FMN1: variants seen among roughly 807,000 people sequenced by gnomAD.
FMN1 encodes formin-1.
Under a neutral mutation model 132.4 loss-of-function variants are expected in FMN1, and 110 were observed. The ratio of observed to expected loss-of-function variants is 0.83; its 90% CI spans 0.71 to 0.97. The LOEUF is 0.97. FMN1 is among the 50% of genes least tolerant of loss of function. The pLI is 0.00. For missense variants in FMN1, 1,792 were observed against 1,705.3 expected (o/e 1.05, Z -0.90); for synonymous variants, 722 against 651.7 (o/e 1.11, Z -1.64).
chr15:32,908,457 T>C lies in FMN1; in HGVS notation c.3377+33A>G, dbSNP rs771373801. Reference sequence around the variant, plus strand: ...GAAGACAGAAATTGCAGTTCTCCTTTTGGCCTAACAGAAAAATGTTAAGTA... The same window carrying C: ...GAAGACAGAAATTGCAGTTCTCCTTCTGGCCTAACAGAAAAATGTTAAGTA... On this transcript the variant is annotated intron_variant, in intron 12 of 20. Transcript: ENST00000616417. 1.3e-5 allele frequency: 18 copies of C among 1,427,924 alleles called. No individual in the cohort carries two copies. In the African/African-American group the frequency reaches 1.6e-4, roughly 12 times the overall value. 88.5% of individuals were successfully genotyped at this position (1,427,924 alleles called of 1,614,324 possible).
chr15:33,040,462 C>A (rs1484648870), intron 6 of FMN1, among the ~76,000 whole-genome samples: 1 of 152,200 alleles, frequency 6.6e-6, no homozygotes, highest in African/African-American at 2.4e-5. Context: ...TTCCAAGTAC[C>A]TGTCAAACTT....
chr15:32,804,399 T>C, intron 17 of FMN1, 67 bp from the exon 18 acceptor site: 1 of 580,796 alleles, frequency 1.7e-6, no homozygotes, highest in South Asian at 1.7e-5. Flanking sequence ...TCTTACAGCT[T>C]CAATTACACC....
intron 6 of FMN1, among the ~76,000 whole-genome samples, chr15:33,047,810 G>A (rs1023620534): frequency 6.6e-6 from 1 of 152,076 alleles, no homozygotes; most frequent in African/African-American, 2.4e-5. Flanking sequence ...ATATTAGGCT[G>A]TAGAAACTGC....
At chr15:32,896,210 A>G (rs1265166578) in intron 15 of FMN1, among the ~76,000 whole-genome samples, 1 of 152,006 alleles carries the variant, frequency 6.6e-6, no homozygotes, top group African/African-American at 2.4e-5. Flanking sequence ...TTGTGATGTT[A>G]GTCTATCATT....
chr15:33,077,619 G>A (rs901487187), intron 5 of FMN1, among the ~76,000 whole-genome samples: 3 of 151,630 alleles, frequency 2.0e-5, no homozygotes, highest in South Asian at 2.1e-4. Flanking sequence ...GCAGTGTTTG[G>A]TTTTTTTCTC....
chr15:32,888,366 T>C, intron 15 of FMN1, 74 bp from the exon 16 acceptor site: 4 of 1,368,964 alleles, frequency 2.9e-6, no homozygotes, highest in East Asian at 2.4e-5. Flanking sequence ...AAAGCATCAA[T>C]GAGAAAAAAA....
chr15:33,175,436 G>T (rs1022685395), intron 3 of FMN1, among the ~76,000 whole-genome samples: 1 of 152,122 alleles, frequency 6.6e-6, no homozygotes, highest in South Asian at 2.1e-4. Flanking sequence ...TCAAGGGAAA[G>T]AATTGACATT....
rs1435993801 is a variant in FMN1, at chr15:32,910,561, G to C, written c.3227-26C>G. The C allele has an allele frequency of 3.9e-6, 6 of 1,543,142 alleles. No homozygotes were observed. In the African/African-American group the frequency reaches 5.5e-5, roughly 14 times the overall value. On this transcript the variant is annotated intron_variant, in intron 10 of 20. Transcript: ENST00000616417. ...CTGCCAAGCACCCAAAAAGAAAAGAGGATAAGGGATTTGATTAGGTCCCCT... is the reference window on the plus strand; with the variant it reads ...CTGCCAAGCACCCAAAAAGAAAAGACGATAAGGGATTTGATTAGGTCCCCT...
intron 10 of FMN1, among the ~76,000 whole-genome samples, chr15:32,917,576 G>A (rs761910296): frequency 2.6e-5 from 4 of 152,106 alleles, no homozygotes; most frequent in Non-Finnish European, 2.9e-5. Flanking sequence ...ATATGAGGCG[G>A]GTGCGTTTGT....
At chr15:32,847,318 C>G (rs1027626109) in intron 17 of FMN1, among the ~76,000 whole-genome samples, 5 of 151,958 alleles carry the variant, frequency 3.3e-5, no homozygotes, top group Non-Finnish European at 7.4e-5. Flanking sequence ...ATATCTGCTG[C>G]TGCTCTAGGA....
intron 4 of FMN1, among the ~76,000 whole-genome samples, chr15:33,118,694 TC>T (rs1039061345): frequency 6.6e-6 from 1 of 152,118 alleles, no homozygotes; most frequent in Non-Finnish European, 1.5e-5. Context: ...TTAAACAATT[TC>T]CATATGAAAT....
intron 5 of FMN1, among the ~76,000 whole-genome samples, chr15:33,081,784 C>A (rs1421933722): frequency 1.3e-5 from 2 of 152,164 alleles, no homozygotes; most frequent in Admixed American, 6.5e-5. Flanking sequence ...AGGGCAGGGT[C>A]TGGCCTTTAG....
Position 32,767,993 on chromosome 15 carries a change from A to G in FMN1, c.*6317T>C, listed in dbSNP as rs1309784799. ...TTTATCTAGAGACAAGTTAGCATGA[A>G]GCGAGGAAAAAGGAGATATTTATAA... On this transcript the variant is annotated 3_prime_UTR_variant, in exon 21 of 21. Coordinates refer to ENST00000616417, the MANE Select transcript of FMN1 (RefSeq NM_001277313.2). The G allele has an allele frequency of 6.6e-6, 1 of 152,242 alleles. No homozygotes were observed. The highest frequency in any genetic ancestry group is 2.4e-5 in the African/African-American group (1 of 41,462). The allele number at this position is 152,242 out of a possible 1,614,324, so 9.4% of individuals were successfully genotyped here.
At chr15:32,945,165 G>A (rs1432558245) in intron 9 of FMN1, among the ~76,000 whole-genome samples, 1 of 152,038 alleles carries the variant, frequency 6.6e-6, no homozygotes, top group East Asian at 1.9e-4. Flanking sequence ...GGGGTGAAGT[G>A]ACTCTAAATA....
intron 17 of FMN1, among the ~76,000 whole-genome samples, chr15:32,808,859 A>T (rs1278286219): frequency 6.6e-6 from 1 of 151,642 alleles, no homozygotes; most frequent in Non-Finnish European, 1.5e-5. Context: ...CTTTCAGTAG[A>T]CAAGAATTTT....
At chr15:33,120,438 G>T (rs966401202) in intron 4 of FMN1, among the ~76,000 whole-genome samples, 3 of 152,036 alleles carry the variant, frequency 2.0e-5, no homozygotes, top group Non-Finnish European at 4.4e-5. Flanking sequence ...CCTACACACC[G>T]GCAGGGAAGA....
intron 15 of FMN1, among the ~76,000 whole-genome samples, chr15:32,893,774 T>C (rs1012375073): frequency 3.3e-5 from 5 of 152,248 alleles, no homozygotes; most frequent in African/African-American, 1.2e-4. Flanking sequence ...ACTGTTCTCA[T>C]TGTAAGATTT....
intron 7 of FMN1, among the ~76,000 whole-genome samples, chr15:32,982,295 A>G (rs575932157): frequency 3.0e-4 from 46 of 152,300 alleles, no homozygotes; most frequent in African/African-American, 1.0e-3. Flanking sequence ...TGGAACAACT[A>G]GAACTCTCAG....
At chr15:33,112,824 G>C (rs1321857191) in intron 4 of FMN1, among the ~76,000 whole-genome samples, 2 of 152,092 alleles carry the variant, frequency 1.3e-5, no homozygotes, top group African/African-American at 4.8e-5. Flanking sequence ...AGAAATGAAG[G>C]GCATTTGCAG....
Sources: gnomAD v4.1 joint callset for allele counts (sites outside exome capture counted in the v4.1 genomes callset) on GRCh38, gnomAD v4.1.1 for gene constraint, MANE v1.5 for transcripts, NCBI Gene and HGNC (gene_info 2026-07-23, HGNC 2026-07-21) for gene names.